Variants in MAP4K5 observed in about 807,000 individuals in gnomAD.
MAP4K5 encodes mitogen-activated protein kinase kinase kinase kinase 5.
In MAP4K5, 82 loss-of-function variants were observed where a neutral mutation model predicts 135.6. The ratio of observed to expected loss-of-function variants is 0.60; its 90% CI spans 0.51 to 0.73. The LOEUF is 0.73. Ranked by LOEUF, MAP4K5 falls within the 30% of genes least tolerant of loss-of-function variation. The pLI is 0.00. For synonymous variants in MAP4K5, 347 were observed against 335.0 expected (o/e 1.04, Z -0.39); for missense variants, 907 against 1,010.9 (o/e 0.90, Z 1.39).
chr14:50,523,571 G>A (rs75836813), intron 2 of MAP4K5, among the ~76,000 whole-genome samples: 5,298 of 152,228 alleles, frequency 0.035, 95 homozygotes, highest in Middle Eastern at 0.058. Flanking sequence ...GGCCTACCCT[G>A]ACCATCCTTA....
At chr14:50,560,788 G>T (rs544272911) in intron 1 of MAP4K5, among the ~76,000 whole-genome samples, 3 of 152,190 alleles carry the variant, frequency 2.0e-5, no homozygotes, top group Admixed American at 6.5e-5. Flanking sequence ...GGCGGCGGGC[G>T]GCGGGCGGCG....
At chr14:50,465,677 C>G (rs2036815894) in intron 11 of MAP4K5, among the ~76,000 whole-genome samples, 1 of 152,122 alleles carries the variant, frequency 6.6e-6, no homozygotes, top group Admixed American at 6.5e-5. Context: ...ATAGATGATT[C>G]TTCAAAATCT....
In MAP4K5 at chr14:50,539,185, G is replaced by A. The variant is rs188304049; in HGVS notation, c.-94+3314C>T. On this transcript the variant is annotated intron_variant, in intron 2 of 8. Transcript: ENST00000555216. ...AAGGAAAATGGAACAGTGGTATCCT[G>A]TAGCATGGAGTGGCATCACAATTAC... is the stretch of plus-strand genomic sequence containing the variant. 1.4e-4 allele frequency among the ~76,000 whole-genome samples: 22 copies of A among 152,336 alleles called. No homozygotes were observed. The East Asian group carries it at 4.1e-3, about 28-fold the overall frequency.
chr14:50,435,478 C>T (rs1046779479), intron 26 of MAP4K5, among the ~76,000 whole-genome samples: 3 of 152,208 alleles, frequency 2.0e-5, no homozygotes, highest in Non-Finnish European at 4.4e-5. Context: ...AATCCTCCCA[C>T]ATCAGCCTCC....
chr14:50,447,348 C>T, intron 16 of MAP4K5, 66 bp downstream of exon 16: 1 of 925,768 alleles, frequency 1.1e-6, no homozygotes. Context: ...TAGAATAAAT[C>T]ACATGCCCCA....
In MAP4K5 at chr14:50,444,072, C is replaced by A. The variant is rs377726121; in HGVS notation, c.1340-36G>T. On this transcript the variant is annotated intron_variant, in intron 18 of 32. Coordinates refer to ENST00000682126, the MANE Select transcript of MAP4K5 (RefSeq NM_006575.6). ...TCATGTTAAAAGTTGAATGACCACA[C>A]AAATAAGCACTTTCCTTGAAAAATT... 8.2e-5 allele frequency: 112 copies of A among 1,366,906 alleles called. No individual in the cohort carries two copies. In the African/African-American group the frequency reaches 1.5e-3, roughly 19 times the overall value. 84.7% of individuals were successfully genotyped at this position (1,366,906 alleles called of 1,614,324 possible).
chr14:50,437,791 T>C (rs1045858389), intron 25 of MAP4K5, 103 bp downstream of exon 25: 5 of 809,230 alleles, frequency 6.2e-6, no homozygotes, highest in Non-Finnish European at 1.0e-5. Flanking sequence ...TAAACTACCT[T>C]TGAAAATTAA....
intron 6 of MAP4K5, among the ~76,000 whole-genome samples, chr14:50,480,969 G>GA (rs1414562792): frequency 6.6e-6 from 1 of 151,984 alleles, no homozygotes; most frequent in African/African-American, 2.4e-5. Flanking sequence ...ATTGTTGACT[G>GA]AAATGTTATG....
chr14:50,476,762 T>C (rs1443697549), intron 6 of MAP4K5, among the ~76,000 whole-genome samples: 2 of 152,188 alleles, frequency 1.3e-5, no homozygotes, highest in Non-Finnish European at 2.9e-5. Context: ...ACACCCGGCC[T>C]GAAGATTTCT....
intron 2 of MAP4K5, among the ~76,000 whole-genome samples, chr14:50,508,662 A>G (rs924313977): frequency 1.3e-5 from 2 of 152,066 alleles, no homozygotes; most frequent in Non-Finnish European, 2.9e-5. Flanking sequence ...ACATGTATAC[A>G]TATGTAACAA....
At chr14:50,557,559 A>G (rs1471680245) in intron 1 of MAP4K5, among the ~76,000 whole-genome samples, 2 of 152,238 alleles carry the variant, frequency 1.3e-5, no homozygotes, top group East Asian at 3.8e-4. Context: ...TATTGCGTAT[A>G]TGTATTATAA....
rs2036288166 is a variant in MAP4K5 at position 50,444,029 on chromosome 14, A to C, written c.1347T>G (p.Gly449=). 6.3e-7 allele frequency: 1 copy of C among 1,595,934 alleles called. No homozygotes were observed. Among genetic ancestry groups the C allele is most frequent in the Non-Finnish European group, 8.6e-7 (1 of 1,168,900 alleles). The change falls in exon 19 of 33, where the codon GGT becomes GGG. Residue 449 remains glycine, a synonymous_variant. Transcript: ENST00000682126. Reference sequence around the variant, plus strand: ...CACTCATCAGTTTTGAAATACCATCACCATTTCCTAAAGAGAATCATGTTA... The same window carrying C: ...CACTCATCAGTTTTGAAATACCATCCCCATTTCCTAAAGAGAATCATGTTA... ...PVAETSSIGN[G]DGISKLMSEN... is the part of the protein sequence containing the mutation.
At chr14:50,515,364 C>T (rs2038014885) in intron 2 of MAP4K5, among the ~76,000 whole-genome samples, 1 of 152,154 alleles carries the variant, frequency 6.6e-6, no homozygotes, top group Admixed American at 6.5e-5. Flanking sequence ...ATCACTATCT[C>T]CTATCCTTTC....
At chr14:50,531,436 G>A (rs1709545872) in intron 2 of MAP4K5, among the ~76,000 whole-genome samples, 1 of 152,160 alleles carries the variant, frequency 6.6e-6, no homozygotes, top group South Asian at 2.1e-4. Flanking sequence ...TTTTATATGG[G>A]ATAATGCTTG....
At chr14:50,449,968 C>G (rs974559038) in intron 14 of MAP4K5, 1 of 152,128 alleles carries the variant, frequency 6.6e-6, no homozygotes, top group Non-Finnish European at 1.5e-5. Flanking sequence ...GAGATGGAGT[C>G]TCACACTCTG....
chr14:50,484,089 G>A (rs1178334022), intron 5 of MAP4K5, among the ~76,000 whole-genome samples: 3 of 151,924 alleles, frequency 2.0e-5, no homozygotes, highest in Non-Finnish European at 4.4e-5. Flanking sequence ...TCAAACTCCC[G>A]ACCTTGGCCT....
chr14:50,469,659 T>G (rs1464530417), intron 9 of MAP4K5, among the ~76,000 whole-genome samples: 2 of 152,134 alleles, frequency 1.3e-5, no homozygotes, highest in Non-Finnish European at 2.9e-5. Flanking sequence ...GATATAGATC[T>G]GAGGAGGAAA....
intron 1 of MAP4K5, among the ~76,000 whole-genome samples, chr14:50,550,498 T>A (rs2038689051): frequency 6.6e-6 from 1 of 152,188 alleles, no homozygotes; most frequent in Non-Finnish European, 1.5e-5. Context: ...GTTGCAATGG[T>A]ATGCCTTGGG....
At chr14:50,477,528 C>T (rs758831742) in intron 6 of MAP4K5, among the ~76,000 whole-genome samples, 2 of 152,136 alleles carry the variant, frequency 1.3e-5, no homozygotes, top group Non-Finnish European at 1.5e-5. Context: ...GTAGTAAAGG[C>T]AGACTTCATC....
Sources: allele counts gnomAD v4.1 joint callset (sites outside exome capture counted in the v4.1 genomes callset), GRCh38; gene constraint gnomAD v4.1.1; transcripts MANE v1.5; gene names NCBI Gene and HGNC (gene_info 2026-07-23, HGNC 2026-07-21).